The following ST6GALNAC3 variants were observed in gnomAD, a reference collection of about 807,000 sequenced individuals.
ST6GALNAC3 encodes ST6 N-acetylgalactosaminide alpha-2,6-sialyltransferase 3.
Under a neutral mutation model 32.7 loss-of-function variants are expected in ST6GALNAC3, and 25 were observed. The observed-to-expected ratio is 0.76, with a 90% CI of 0.56 to 1.07. The LOEUF is 1.07. Ranked by LOEUF, ST6GALNAC3 falls within the 50% of genes least tolerant of loss-of-function variation. The pLI, the probability that ST6GALNAC3 is intolerant of heterozygous loss-of-function variation, is 0.00. For missense variants in ST6GALNAC3, 355 were observed against 382.4 expected, an observed-to-expected ratio of 0.93 and a Z score of 0.60; for synonymous variants, 129 against 133.1, an observed-to-expected ratio of 0.97 and a Z score of 0.21.
intron 1 of ST6GALNAC3, among the ~76,000 whole-genome samples, chr1:76,118,703 G>A (rs1648651267): frequency 6.6e-6 from 1 of 152,172 alleles, no homozygotes; most frequent in Non-Finnish European, 1.5e-5. Flanking sequence ...TTGTGGATAT[G>A]GAAATGCTTA....
chr1:76,389,020 T>TTTC, intron 2 of ST6GALNAC3, among the ~76,000 whole-genome samples: 1 of 144,906 alleles, frequency 6.9e-6, no homozygotes, highest in East Asian at 2.0e-4. Flanking sequence ...TCCTTTTTTT[T>TTTC]TTTTTTTTGA....
rs141321480 is a variant in ST6GALNAC3, at chr1:76,264,133, A to G, written c.19-49672A>G. 4.0e-3 allele frequency among the ~76,000 whole-genome samples: 609 copies of G among 152,270 alleles called. 6 individuals carry two copies. Among genetic ancestry groups the G allele is most frequent in the African/African-American group, 0.014 (586 of 41,556 alleles). On this transcript the variant is annotated intron_variant, in intron 1 of 4. Transcript: ENST00000328299. ...AGATTACCTCTATTCCCCACATTTTACAGATGAGGAAACTTCTCAGCGAGT... is the reference window on the plus strand; with the variant it reads ...AGATTACCTCTATTCCCCACATTTTGCAGATGAGGAAACTTCTCAGCGAGT...
At chr1:76,331,395 G>A (rs1272720951) in intron 2 of ST6GALNAC3, among the ~76,000 whole-genome samples, 2 of 152,158 alleles carry the variant, frequency 1.3e-5, no homozygotes, top group Admixed American at 6.5e-5. Flanking sequence ...GTCACTTAGT[G>A]GATGTGCCAG....
Position 76,412,210 on chromosome 1 carries a change from A to G in ST6GALNAC3, c.416A>G (p.Asn139Ser). 1.2e-6 allele frequency: 2 copies of G among 1,613,348 alleles called. No homozygotes were observed. Among genetic ancestry groups the G allele is most frequent in the South Asian group, 1.1e-5 (1 of 91,038 alleles). The change falls in exon 3 of 5, where the codon AAC becomes AGC. Residue 139 changes from asparagine (N) to serine (S), a missense_variant. Physicochemically the swap from Asn to Ser is conservative, Grantham distance 46 (BLOSUM62 1). Transcript: ENST00000328299. ...ACCAGCGTTCCTCTTTTGCTAAAAA[A>G]CCCTGATTATTTTTTCAAGGAAGCG... ...SHTSVPLLLK[N>S]PDYFFKEANT...
intron 2 of ST6GALNAC3, among the ~76,000 whole-genome samples, chr1:76,320,961 TATACACACAC>T (rs1427287073): frequency 1.3e-5 from 2 of 149,606 alleles, no homozygotes; most frequent in Non-Finnish European, 3.0e-5. Flanking sequence ...ATGGTATATA[TATACACACAC>T]ACACACACAC....
chr1:76,240,709 A>G (rs1656911502), intron 1 of ST6GALNAC3, among the ~76,000 whole-genome samples: 1 of 152,240 alleles, frequency 6.6e-6, no homozygotes, highest in African/African-American at 2.4e-5. Flanking sequence ...CTCCCACAAC[A>G]TACAGATACA....
chr1:76,282,090 T>C (rs1659529040), intron 1 of ST6GALNAC3, among the ~76,000 whole-genome samples: 1 of 152,096 alleles, frequency 6.6e-6, no homozygotes, highest in Admixed American at 6.5e-5. Flanking sequence ...ATAGTTGTCT[T>C]TTATGAGGAG....
intron 3 of ST6GALNAC3, among the ~76,000 whole-genome samples, chr1:76,516,143 T>C (rs1432026350): frequency 6.6e-6 from 1 of 152,230 alleles, no homozygotes; most frequent in Non-Finnish European, 1.5e-5. Flanking sequence ...GCACAGTGCC[T>C]TTCTCCAGTA....
At chr1:76,176,357 G>A (rs1024235561) in intron 1 of ST6GALNAC3, among the ~76,000 whole-genome samples, 2 of 152,146 alleles carry the variant, frequency 1.3e-5, no homozygotes, top group African/African-American at 4.8e-5. Flanking sequence ...ATTGCTGGAA[G>A]GTCACAGCAC....
rs925041253 is a variant in ST6GALNAC3, at chr1:76,277,178, T to A, written c.19-36627T>A. 2.0e-5 allele frequency among the ~76,000 whole-genome samples: 3 copies of A among 152,164 alleles called. No individual in the cohort carries two copies. In the South Asian group the frequency reaches 6.2e-4, roughly 32 times the overall value. ...GGTGGTCAAATTATCAAACTATTCC[T>A]TATGGTTGATATTTTGTTGTCTTAT... On this transcript the variant is annotated intron_variant, in intron 1 of 4. Transcript: ENST00000328299.
intron 3 of ST6GALNAC3, among the ~76,000 whole-genome samples, chr1:76,480,397 A>G (rs1659645286): frequency 6.6e-6 from 1 of 152,188 alleles, no homozygotes. Flanking sequence ...AACTTTCCTT[A>G]TCTGATTTTA....
intron 1 of ST6GALNAC3, among the ~76,000 whole-genome samples, chr1:76,112,593 C>A (rs937027101): frequency 1.3e-5 from 2 of 150,948 alleles, no homozygotes; most frequent in African/African-American, 2.4e-5. Context: ...GTGTGGCTGC[C>A]GCGCGGAGGG....
intron 3 of ST6GALNAC3, among the ~76,000 whole-genome samples, chr1:76,417,126 G>C (rs1163551951): frequency 6.6e-6 from 1 of 151,696 alleles, no homozygotes; most frequent in African/African-American, 2.4e-5. Context: ...AATTAGACAG[G>C]GTGACCTTGT....
At chr1:76,129,791 C>A (rs1405451669) in intron 1 of ST6GALNAC3, among the ~76,000 whole-genome samples, 1 of 152,120 alleles carries the variant, frequency 6.6e-6, no homozygotes, top group African/African-American at 2.4e-5. Flanking sequence ...CAGTTCTAAA[C>A]CTTAAGTAGG....
intron 1 of ST6GALNAC3, among the ~76,000 whole-genome samples, chr1:76,307,745 A>G (rs1661146005): frequency 6.6e-6 from 1 of 152,152 alleles, no homozygotes; most frequent in South Asian, 2.1e-4. Flanking sequence ...TAAAGATTTT[A>G]TTTTGTGGTT....
At chr1:76,263,184 G>A (rs1258462938) in intron 1 of ST6GALNAC3, among the ~76,000 whole-genome samples, 3 of 152,158 alleles carry the variant, frequency 2.0e-5, no homozygotes, top group African/African-American at 7.2e-5. Context: ...CTGTTTAACT[G>A]TGTAAACTTG....
chr1:76,372,370 A>ACG (rs1650896742), intron 2 of ST6GALNAC3, among the ~76,000 whole-genome samples: 1 of 152,244 alleles, frequency 6.6e-6, no homozygotes, highest in South Asian at 2.1e-4. Flanking sequence ...ATGCACACAC[A>ACG]CGCGCACACA....
intron 3 of ST6GALNAC3, among the ~76,000 whole-genome samples, chr1:76,548,164 C>A (rs893947511): frequency 6.6e-5 from 10 of 152,178 alleles, no homozygotes; most frequent in African/African-American, 2.4e-4. Flanking sequence ...TCTTGTTTAT[C>A]CTCCCACTTC....
chr1:76,099,885 G>T (rs1647189908), intron 1 of ST6GALNAC3, among the ~76,000 whole-genome samples: 1 of 152,030 alleles, frequency 6.6e-6, no homozygotes, highest in Non-Finnish European at 1.5e-5. Flanking sequence ...TCCAACCTAG[G>T]AATATGTTAT....
Sources: gnomAD v4.1 joint callset for allele counts (sites outside exome capture counted in the v4.1 genomes callset) on GRCh38, gnomAD v4.1.1 for gene constraint, MANE v1.5 for transcripts, NCBI Gene and HGNC (gene_info 2026-07-23, HGNC 2026-07-21) for gene names.